LAMB4: variants seen among roughly 807,000 people sequenced by gnomAD.
LAMB4 encodes the protein laminin subunit beta-4.
In LAMB4, 196 loss-of-function variants were observed where a neutral mutation model predicts 199.2. That is an observed-to-expected ratio of 0.98 (90% CI 0.88 to 1.11). The LOEUF (loss-of-function observed/expected upper bound fraction) is 1.11. Ranked by LOEUF, LAMB4 falls within the 50% of genes least tolerant of loss-of-function variation. LAMB4 has a pLI of 0.00. For missense variants in LAMB4, 2,080 were observed against 2,171.2 expected, an observed-to-expected ratio of 0.96 and a Z score of 0.83; for synonymous variants, 744 against 770.6, an observed-to-expected ratio of 0.97 and a Z score of 0.57.
intron 14 of LAMB4, among the ~76,000 whole-genome samples, chr7:108,086,548 T>G (rs1446755604): frequency 6.6e-6 from 1 of 152,210 alleles, no homozygotes; most frequent in East Asian, 1.9e-4. Context: ...CATGGCCTAC[T>G]TATTAACTGG....
intron 14 of LAMB4, among the ~76,000 whole-genome samples, chr7:108,083,243 C>G (rs772956872): frequency 4.6e-5 from 7 of 152,028 alleles, no homozygotes; most frequent in Admixed American, 6.6e-5. Flanking sequence ...CAGTCTTGCT[C>G]CGGGCCTATT....
chr7:108,068,994 T>G (rs935487033), intron 18 of LAMB4, among the ~76,000 whole-genome samples: 29 of 152,176 alleles, frequency 1.9e-4, no homozygotes, highest in African/African-American at 7.0e-4. Context: ...TCCCCCTTAC[T>G]AGTTTTTTAT....
At position 108,116,050 on chromosome 7, in the gene LAMB4, C is replaced by G; in HGVS notation, c.146G>C (p.Cys49Ser). 1 of 1,614,096 alleles carries G rather than the reference C, an allele frequency of 6.2e-7. No homozygotes were observed. Among genetic ancestry groups the G allele is most frequent in the Non-Finnish European group, 8.5e-7 (1 of 1,179,974 alleles). Residue 49 changes from cysteine to serine, a missense_variant, in exon 3 of 34, where the codon TGT (cysteine) becomes TCT (serine). Physicochemically the swap from Cys to Ser is moderately radical, Grantham distance 112 (BLOSUM62 -1). Transcript: ENST00000388781. ...GTATTTCTGGGCTCTGCTCAGCCCA[C>G]AGGTAGAAGAAGCCATAAGCTGCGT... is the stretch of plus-strand genomic sequence containing the variant. The part of the protein sequence containing the change: ...RNTQLMASST[C>S]GLSRAQKYCI...
In LAMB4 at chr7:108,107,763, C is replaced by A; in HGVS notation, c.459G>T (p.Trp153Cys). 1 of 1,613,340 alleles carries A rather than the reference C, an allele frequency of 6.2e-7. No individual in the cohort carries two copies. The highest frequency in any genetic ancestry group is 1.7e-5 in the Admixed American group (1 of 59,776). The change falls in exon 6 of 34, where the codon TGG (tryptophan) becomes TGT (cysteine). Residue 153 changes from tryptophan to cysteine, a missense_variant. Transcript: ENST00000388781. The part of the protein sequence containing the change: ...VERSTDYGHN[W>C]KVFKYFAKDC... Reference sequence around the variant, plus strand: ...CTTTTGCAAAATATTTGAACACTTTCCAGTTGTGTCCATAGTCTGTGGAAC... The same window carrying A: ...CTTTTGCAAAATATTTGAACACTTTACAGTTGTGTCCATAGTCTGTGGAAC...
intron 4 of LAMB4, 59 bp downstream of exon 4, chr7:108,111,752 G>A: frequency 7.0e-7 from 1 of 1,434,810 alleles, no homozygotes; most frequent in Non-Finnish European, 9.8e-7. Context: ...ATACAAGGAA[G>A]AGGATGTCAT....
intron 1 of LAMB4, among the ~76,000 whole-genome samples, chr7:108,126,758 C>G (rs911842734): frequency 6.7e-6 from 1 of 149,446 alleles, no homozygotes; most frequent in Non-Finnish European, 1.5e-5. Flanking sequence ...TTAGTAGAGA[C>G]GGGGTTTCAC....
chr7:108,025,809 G>C (rs563538985), intron 33 of LAMB4, among the ~76,000 whole-genome samples: 3 of 152,274 alleles, frequency 2.0e-5, no homozygotes, highest in East Asian at 3.9e-4. Context: ...AATAATAAAG[G>C]CCTCTGTTTG....
rs56403423 is a variant in LAMB4 at position 108,088,166 on chromosome 7, CTT to C, written c.1701+3458_1701+3459del. Among the ~76,000 whole-genome samples, 1,159 of 145,946 alleles carry C rather than the reference CTT, an allele frequency of 7.9e-3. 19 individuals are homozygous for C. The highest frequency in any genetic ancestry group is 0.026 in the African/African-American group (1,044 of 39,776). On this transcript the variant is annotated intron_variant, in intron 14 of 33. Coordinates refer to ENST00000388781, the MANE Select transcript of LAMB4 (RefSeq NM_007356.3). The stretch of plus-strand genomic sequence containing the variant: ...TTCCATGCAAAGCTGTTGCTAAAAT[CTT>C]TTTTTTTTTTTTGGGAGAGAGTCTC...
At chr7:108,073,163 G>A (rs1039202372) in intron 17 of LAMB4, among the ~76,000 whole-genome samples, 13 of 152,104 alleles carry the variant, frequency 8.5e-5, no homozygotes, top group East Asian at 1.9e-4. Context: ...ACACCACCAC[G>A]CCCAGCTAAT....
chr7:108,108,967 A>T (rs1315236124), intron 5 of LAMB4, among the ~76,000 whole-genome samples: 28 of 152,142 alleles, frequency 1.8e-4, no homozygotes, highest in Non-Finnish European at 2.9e-5. Context: ...TAATTTTTTA[A>T]AAAAATCATA....
chr7:108,046,477 G>T (rs1043985439), intron 28 of LAMB4, among the ~76,000 whole-genome samples: 1 of 151,850 alleles, frequency 6.6e-6, no homozygotes, highest in Non-Finnish European at 1.5e-5. Flanking sequence ...CTCTTTAAAA[G>T]CTTTTTCTTC....
intron 29 of LAMB4, among the ~76,000 whole-genome samples, chr7:108,043,095 C>A (rs2035479441): frequency 6.6e-6 from 1 of 151,718 alleles, no homozygotes; most frequent in Non-Finnish European, 1.5e-5. Context: ...GCATAATGTA[C>A]AATAAATCAG....
chr7:108,104,763 T>G, intron 8 of LAMB4, 144 bp from the exon 9 acceptor site: 1 of 859,338 alleles, frequency 1.2e-6, no homozygotes, highest in Non-Finnish European at 1.7e-6. Flanking sequence ...CAACCTTGAT[T>G]ATCTTCTATT....
chr7:108,102,434 A>T (rs1303676986), intron 10 of LAMB4, among the ~76,000 whole-genome samples: 1 of 152,212 alleles, frequency 6.6e-6, no homozygotes, highest in Admixed American at 6.5e-5. Flanking sequence ...TGAGTTTACC[A>T]CTAGCAAGGA....
At chr7:108,019,469 C>G (rs1416017881), downstream of LAMB4, among the ~76,000 whole-genome samples, 1 of 152,088 alleles carries the variant, frequency 6.6e-6, no homozygotes, top group Non-Finnish European at 1.5e-5. Context: ...TTTCCCTTTG[C>G]CATGTAACGT....
chr7:108,111,997 G>T, intron 3 of LAMB4, 51 bp from the exon 4 acceptor site: 7 of 1,477,314 alleles, frequency 4.7e-6, no homozygotes, highest in Non-Finnish European at 6.5e-6. Flanking sequence ...ATTACATATT[G>T]TTGGGCTAAA....
chr7:108,085,517 A>T (rs907668783), intron 14 of LAMB4, among the ~76,000 whole-genome samples: 2 of 152,220 alleles, frequency 1.3e-5, no homozygotes, highest in Non-Finnish European at 2.9e-5. Flanking sequence ...CCATGAAAGA[A>T]AGTATAAAGC....
Position 108,116,153 on chromosome 7 carries a change from T to G in LAMB4, c.43A>C (p.Ser15Arg). The G allele has an allele frequency of 6.2e-7, 1 of 1,613,760 alleles. No individual in the cohort carries two copies. Among genetic ancestry groups the G allele is most frequent in the Non-Finnish European group, 8.5e-7 (1 of 1,179,804 alleles). Residue 15 changes from serine (S) to arginine (R), a missense_variant, in exon 3 of 34, where the codon AGT (serine) becomes CGT (arginine). Ser to Arg is a moderately radical substitution (Grantham distance 110, BLOSUM62 -1). Transcript: ENST00000388781. ...CAGTCATCTTGAGCTTTTGAGTAAC[T>G]GAGCCACCCTTGAACACAACAGAAA... The part of the protein sequence containing the change: ...LTLFLHLGWL[S>R]YSKAQDDCNR...
intron 29 of LAMB4, among the ~76,000 whole-genome samples, chr7:108,037,821 G>A (rs1396203691): frequency 6.6e-6 from 1 of 152,204 alleles, no homozygotes; most frequent in African/African-American, 2.4e-5. Context: ...TGCTGAACAA[G>A]TGCTTGTTGG....
Sources: allele counts gnomAD v4.1 joint callset (sites outside exome capture counted in the v4.1 genomes callset), GRCh38; gene constraint gnomAD v4.1.1; transcripts MANE v1.5; gene names NCBI Gene and HGNC (gene_info 2026-07-23, HGNC 2026-07-21).